ZDHHC7: variants seen among roughly 807,000 people sequenced by gnomAD.
ZDHHC7 encodes zDHHC palmitoyltransferase 7.
A neutral mutation model predicts 34.1 loss-of-function variants in ZDHHC7; 12 were observed. That is an observed-to-expected ratio of 0.35 (90% CI 0.23 to 0.57). The LOEUF (loss-of-function observed/expected upper bound fraction) is 0.57, where lower values mean the gene tolerates loss of function less well. Ranked by LOEUF, ZDHHC7 falls within the 20% of genes least tolerant of loss-of-function variation. The pLI is 0.84. For synonymous variants in ZDHHC7, 185 were observed against 155.4 expected (o/e 1.19, Z -1.42); for missense variants, 388 against 402.7 (o/e 0.96, Z 0.31).
chr16:84,983,002 T>C (rs754063998), intron 3 of ZDHHC7, among the ~76,000 whole-genome samples: 19 of 152,150 alleles, frequency 1.2e-4, no homozygotes, highest in Non-Finnish European at 2.5e-4. Flanking sequence ...AGATAAGTCA[T>C]CAAAACCATG....
intron 3 of ZDHHC7, among the ~76,000 whole-genome samples, chr16:84,983,949 G>A (rs921025789): frequency 2.2e-5 from 3 of 136,752 alleles, no homozygotes; most frequent in African/African-American, 8.5e-5. Flanking sequence ...CCAAGATCAC[G>A]CCACTGCACT....
chr16:85,008,234 C>G (rs918157312), intron 1 of ZDHHC7, among the ~76,000 whole-genome samples: 1 of 152,056 alleles, frequency 6.6e-6, no homozygotes, highest in African/African-American at 2.4e-5. Flanking sequence ...CACAGGGTAT[C>G]AGTCTATCTG....
At chr16:85,010,962 G>C (rs1597569950) in intron 1 of ZDHHC7, among the ~76,000 whole-genome samples, 1 of 152,244 alleles carries the variant, frequency 6.6e-6, no homozygotes, top group East Asian at 1.9e-4. Context: ...GTTTATAGCT[G>C]CTCTGTAACC....
At chr16:84,984,645 T>C (rs890571332) in intron 3 of ZDHHC7, among the ~76,000 whole-genome samples, 1 of 152,170 alleles carries the variant, frequency 6.6e-6, no homozygotes, top group African/African-American at 2.4e-5. Context: ...TGGGTGATCC[T>C]CAGGGACCTG....
intron 3 of ZDHHC7, chr16:84,988,787 G>A (rs778864750): frequency 2.1e-5 from 32 of 1,551,534 alleles, no homozygotes; most frequent in Non-Finnish European, 2.6e-5. Context: ...GCACAGACTC[G>A]GTTCCCTCAC....
At chr16:85,022,188 A>G in the ZDHHC7 span, among the ~76,000 whole-genome samples, 2 of 150,350 alleles carry the variant, frequency 1.3e-5, no homozygotes. Flanking sequence ...AGACAGATAC[A>G]GGGAAATGTC....
intron 4 of ZDHHC7, among the ~76,000 whole-genome samples, chr16:84,980,118 G>T (rs1475114461): frequency 1.3e-5 from 2 of 151,428 alleles, no homozygotes; most frequent in Non-Finnish European, 2.9e-5. Context: ...CAGTCACCAT[G>T]CCCGGCTAAT....
At chr16:85,018,572 C>T in the ZDHHC7 span, among the ~76,000 whole-genome samples, 1 of 152,036 alleles carries the variant, frequency 6.6e-6, no homozygotes, top group Non-Finnish European at 1.5e-5. Flanking sequence ...CTCAGCCTCC[C>T]TGGTAGCTGG....
chr16:84,980,850 A>C (rs1415701628), intron 4 of ZDHHC7, among the ~76,000 whole-genome samples: 1 of 152,116 alleles, frequency 6.6e-6, no homozygotes, highest in African/African-American at 2.4e-5. Flanking sequence ...CCCCAGCCCA[A>C]AACAGCCACC....
At chr16:84,978,877 GAAAAA>G (rs2072332331) in intron 5 of ZDHHC7, among the ~76,000 whole-genome samples, 1 of 139,890 alleles carries the variant, frequency 7.1e-6, no homozygotes, top group Non-Finnish European at 1.6e-5. Context: ...AAAAAAAAAA[GAAAAA>G]AAGAAAAGAA....
intron 3 of ZDHHC7, chr16:84,989,019 G>A (rs1012442325): frequency 2.5e-6 from 2 of 791,838 alleles, no homozygotes; most frequent in Non-Finnish European, 4.1e-6. Context: ...AGACACACAG[G>A]GATCAGGAGC....
rs571261391 is a variant in ZDHHC7 at position 84,986,674 on chromosome 16, C to A, written c.315+3630G>T. 3.7e-4 allele frequency among the ~76,000 whole-genome samples: 56 copies of A among 152,338 alleles called. No individual in the cohort carries two copies. The South Asian group carries it at 0.011, about 30-fold the overall frequency. On this transcript the variant is annotated intron_variant, in intron 3 of 7. Transcript: ENST00000313732. ...TAGGCCTCTGACCCCATCTTCCCCT[C>A]CACTCCTCACTCAAAGCACCAATGA... is the stretch of plus-strand genomic sequence containing the variant.
At chr16:85,014,797 C>T (rs1354614206), upstream of ZDHHC7, among the ~76,000 whole-genome samples, 1 of 152,092 alleles carries the variant, frequency 6.6e-6, no homozygotes, top group Non-Finnish European at 1.5e-5. Context: ...AGAACATTCC[C>T]AAGGTGGTTG....
intron 2 of ZDHHC7, among the ~76,000 whole-genome samples, chr16:84,995,257 A>C (rs888130558): frequency 6.6e-6 from 1 of 152,210 alleles, no homozygotes; most frequent in Non-Finnish European, 1.5e-5. Context: ...ATGTTAAATA[A>C]AGCCCTGTTT....
upstream of ZDHHC7, among the ~76,000 whole-genome samples, chr16:85,012,347 G>A (rs1212015286): frequency 4.8e-5 from 7 of 144,894 alleles, no homozygotes; most frequent in Non-Finnish European, 1.0e-4. Context: ...TCAAGCCACT[G>A]CACTCCAGCC....
intron 1 of ZDHHC7, among the ~76,000 whole-genome samples, chr16:85,009,078 A>G (rs1399128310): frequency 6.6e-6 from 1 of 151,982 alleles, no homozygotes; most frequent in Non-Finnish European, 1.5e-5. Context: ...TAAAGTTAAA[A>G]TATTACAGAA....
intron 3 of ZDHHC7, among the ~76,000 whole-genome samples, chr16:84,985,086 T>C (rs955181952): frequency 1.3e-5 from 2 of 152,170 alleles, no homozygotes; most frequent in African/African-American, 4.8e-5. Flanking sequence ...TTCCCACTCA[T>C]CTTCTTGTGG....
the ZDHHC7 span, among the ~76,000 whole-genome samples, chr16:85,022,174 G>T: frequency 2.5e-4 from 37 of 150,564 alleles, no homozygotes; most frequent in African/African-American, 8.6e-4. Flanking sequence ...AAAAAAAAGG[G>T]CAAAGACAGA....
At chr16:85,025,075 G>A in the ZDHHC7 span, among the ~76,000 whole-genome samples, 2 of 152,022 alleles carry the variant, frequency 1.3e-5, no homozygotes, top group South Asian at 2.1e-4. Context: ...CCAGCAGTTC[G>A]AGACCAGCCT....
Sources: allele counts gnomAD v4.1 joint callset (sites outside exome capture counted in the v4.1 genomes callset), GRCh38; gene constraint gnomAD v4.1.1; transcripts MANE v1.5; gene names NCBI Gene and HGNC (gene_info 2026-07-23, HGNC 2026-07-21).